HMSD: variants seen among roughly 807,000 people sequenced by gnomAD.
The protein encoded by HMSD is serpin-like protein HMSD.
HMSD carries 13 observed loss-of-function variants against 10.0 expected under a neutral mutation model. The observed-to-expected ratio is 1.31, with a 90% CI of 0.85 to 2.08. HMSD has a LOEUF of 2.08. Ranked by LOEUF, HMSD falls within the 30% of genes most tolerant of loss-of-function variation. The pLI is 0.00. For synonymous variants in HMSD, 51 were observed against 54.2 expected, an observed-to-expected ratio of 0.94 and a Z score of 0.26; for missense variants, 169 against 166.3, an observed-to-expected ratio of 1.02 and a Z score of -0.09.
At chr18:63,967,548 T>C (rs967423822) in intron 3 of HMSD, among the ~76,000 whole-genome samples, 1 of 152,066 alleles carries the variant, frequency 6.6e-6, no homozygotes, top group South Asian at 2.1e-4. Flanking sequence ...TCTTGACAAG[T>C]GGAAGTCTAA....
downstream of HMSD, among the ~76,000 whole-genome samples, chr18:63,963,160 CT>C (rs199530824): frequency 8.6e-3 from 1,176 of 136,022 alleles, 18 homozygotes; most frequent in Non-Finnish European, 0.014. Context: ...TCTCTTCTTT[CT>C]TTCTCTCTCT....
chr18:63,953,200 A>G (rs2050340060), intron 1 of HMSD, among the ~76,000 whole-genome samples, 154 bp from the exon 2 acceptor site: 1 of 152,240 alleles, frequency 6.6e-6, no homozygotes, highest in Non-Finnish European at 1.5e-5. Context: ...ATTAAATGAC[A>G]TCTTGTAAGA....
intron 3 of HMSD, among the ~76,000 whole-genome samples, chr18:63,956,361 AAC>A (rs112906666): frequency 0.06 from 9,064 of 150,458 alleles, 322 homozygotes; most frequent in Admixed American, 0.081. Flanking sequence ...TTAAAAAAAA[AAC>A]AAACTTAAAT....
At chr18:63,963,147 C>T (rs1320656323), downstream of HMSD, among the ~76,000 whole-genome samples, 12 of 132,218 alleles carry the variant, frequency 9.1e-5, 1 homozygote, top group Non-Finnish European at 1.6e-4. Flanking sequence ...TCTTTCTTCT[C>T]TCTCTCTTCT....
At chr18:63,963,130 TTTC>T (rs768979170), downstream of HMSD, among the ~76,000 whole-genome samples, 1,955 of 128,534 alleles carry the variant, frequency 0.015, 33 homozygotes, top group Non-Finnish European at 0.023. Flanking sequence ...TCTTTCTTTC[TTTC>T]CTTTCTTTCT....
At chr18:63,969,110 C>G (rs914463343) in intron 3 of HMSD, among the ~76,000 whole-genome samples, 4 of 152,088 alleles carry the variant, frequency 2.6e-5, no homozygotes, top group Admixed American at 2.0e-4. Context: ...TTTTGAAAGA[C>G]AAGCTTGCAT....
chr18:63,956,771 C>T (rs978199192), intron 3 of HMSD, among the ~76,000 whole-genome samples: 4 of 152,164 alleles, frequency 2.6e-5, no homozygotes, highest in Admixed American at 6.5e-5. Context: ...CATAAAGACA[C>T]ATATGTTCAT....
downstream of HMSD, among the ~76,000 whole-genome samples, chr18:63,963,065 TTCTTTC>T (rs1393405337): frequency 1.4e-4 from 15 of 106,784 alleles, no homozygotes; most frequent in East Asian, 1.5e-3. Context: ...TTTCTTTCTT[TTCTTTC>T]TCTTTCTTTC....
chr18:63,950,415 CA>C (rs562421091), intron 1 of HMSD, among the ~76,000 whole-genome samples: 506 of 39,008 alleles, frequency 0.013, no homozygotes, highest in Middle Eastern at 0.025. Flanking sequence ...GACTCTCTCT[CA>C]AAAAAAAAAA....
chr18:63,957,158 T>C (rs1379618672), intron 3 of HMSD, among the ~76,000 whole-genome samples: 4 of 152,146 alleles, frequency 2.6e-5, no homozygotes, highest in Admixed American at 2.6e-4. Flanking sequence ...ATAATCTGTA[T>C]ACTAAACCCC....
chr18:63,959,732 G>T (rs993701889), intron 3 of HMSD, among the ~76,000 whole-genome samples: 1 of 151,944 alleles, frequency 6.6e-6, no homozygotes, highest in South Asian at 2.1e-4. Context: ...CCTGATAGAG[G>T]GATATTGAAG....
chr18:63,956,191 G>A (rs1041522786), intron 3 of HMSD, among the ~76,000 whole-genome samples: 10 of 152,156 alleles, frequency 6.6e-5, no homozygotes, highest in Non-Finnish European at 1.5e-4. Flanking sequence ...GATGCCAAAA[G>A]CAATTGCAAC....
At chr18:63,949,820 G>C (rs1019432293) in intron 1 of HMSD, among the ~76,000 whole-genome samples, 4 of 152,182 alleles carry the variant, frequency 2.6e-5, no homozygotes, top group African/African-American at 9.7e-5. Flanking sequence ...GTATTTATTT[G>C]TCGGTACCGA....
intron 3 of HMSD, chr18:63,966,888 G>A (rs2050412049): frequency 1.3e-5 from 2 of 152,224 alleles, no homozygotes; most frequent in African/African-American, 4.8e-5. Flanking sequence ...ATAAGGAACA[G>A]CGTCAACAAT....
At chr18:63,963,087 T>TTTCTTTC (rs1296092076), downstream of HMSD, among the ~76,000 whole-genome samples, 45 of 102,770 alleles carry the variant, frequency 4.4e-4, no homozygotes, top group African/African-American at 1.9e-3. Context: ...CTTTCTTTCT[T>TTTCTTTC]TCTTTCTTTC....
downstream of HMSD, among the ~76,000 whole-genome samples, chr18:63,963,203 G>GCTTCCTTC (rs200514435): frequency 1.0e-5 from 1 of 99,366 alleles, no homozygotes; most frequent in Non-Finnish European, 1.9e-5. Flanking sequence ...TTCCTTCCTT[G>GCTTCCTTC]CTTCCTTCCT....
intron 1 of HMSD, among the ~76,000 whole-genome samples, chr18:63,951,263 G>C (rs1383536502): frequency 3.5e-4 from 53 of 152,112 alleles, no homozygotes; most frequent in Admixed American, 3.5e-3. Flanking sequence ...TTAAAATAAC[G>C]TATTTGCTGT....
rs1193981405 is a variant in HMSD at position 63,961,099 on chromosome 18, A to C, written c.*744A>C. The C allele has an allele frequency of 4.6e-5, 7 of 151,996 alleles. No individual in the cohort carries two copies. The highest frequency in any genetic ancestry group is 2.0e-4 in the Admixed American group (3 of 15,266). 9.4% of individuals were successfully genotyped at this position (151,996 alleles called of 1,614,324 possible). ...CACCCTCTTCTTCAGGGAAACACAC[A>C]CCTCTTTGCACTGCCTTGTGGATAG... On this transcript the variant is annotated 3_prime_UTR_variant, in exon 4 of 4. Transcript: ENST00000408945.
chr18:63,953,576 T>C, intron 2 of HMSD, 49 bp downstream of exon 2: 3 of 1,441,768 alleles, frequency 2.1e-6, no homozygotes, highest in Non-Finnish European at 2.9e-6. Context: ...AATTTATCAG[T>C]TGAGCTGGAC....
Sources: allele counts gnomAD v4.1 joint callset (sites outside exome capture counted in the v4.1 genomes callset), GRCh38; gene constraint gnomAD v4.1.1; transcripts MANE v1.5; gene names NCBI Gene and HGNC (gene_info 2026-07-23, HGNC 2026-07-21).